GPT2: variants seen among roughly 807,000 people sequenced by gnomAD.
The protein encoded by GPT2 is alanine aminotransferase 2.
Under a neutral mutation model 56.9 loss-of-function variants are expected in GPT2, and 30 were observed. The ratio of observed to expected loss-of-function variants is 0.53; its 90% CI spans 0.39 to 0.72. The LOEUF is 0.72. Ranked by LOEUF, GPT2 falls within the 30% of genes least tolerant of loss-of-function variation. The pLI is 0.00. For synonymous variants in GPT2, 271 were observed against 283.1 expected, an observed-to-expected ratio of 0.96 and a Z score of 0.43; for missense variants, 542 against 703.4, an observed-to-expected ratio of 0.77 and a Z score of 2.60.
At chr16:46,926,341 C>T (rs1365061323) in intron 10 of GPT2, among the ~76,000 whole-genome samples, 2 of 151,606 alleles carry the variant, frequency 1.3e-5, no homozygotes, top group Non-Finnish European at 2.9e-5. Flanking sequence ...TCCAGTTACT[C>T]AGGAGGCTGA....
rs772302224 is a variant in GPT2, at chr16:46,884,399, C to G, written c.-91C>G. 2 of 211,516 alleles carry G rather than the reference C, an allele frequency of 9.5e-6. No individual in the cohort carries two copies. The highest frequency in any genetic ancestry group is 3.2e-4 in the South Asian group (2 of 6,164). The allele number at this position is 211,516 out of a possible 1,614,324, so 13.1% of individuals were successfully genotyped here. A position where few individuals can be genotyped will look rare whatever the true frequency, so the allele number is the denominator to read the frequency against. On this transcript the variant is annotated 5_prime_UTR_variant, in exon 1 of 12. Coordinates refer to ENST00000340124, the MANE Select transcript of GPT2 (RefSeq NM_133443.4). The stretch of plus-strand genomic sequence containing the variant: ...GGGCGCGGGGATGCGGCTGTGGGCG[C>G]CGGGGCCGGGTAGCTGCTCCAGGCG...
chr16:46,902,191 CTG>C (rs1468754245), intron 4 of GPT2, among the ~76,000 whole-genome samples: 2 of 152,202 alleles, frequency 1.3e-5, no homozygotes, highest in Non-Finnish European at 2.9e-5. Context: ...GGCTGAGAGA[CTG>C]TGTCCCTGTG....
intron 9 of GPT2, 121 bp from the exon 10 acceptor site, chr16:46,924,262 ACATGTG>A: frequency 1.0e-6 from 1 of 979,494 alleles, no homozygotes; most frequent in South Asian, 1.4e-5. Context: ...GTCAGAGGGG[ACATGTG>A]TTCAAAGCTG....
At chr16:46,905,287 G>A (rs762444048) in intron 4 of GPT2, among the ~76,000 whole-genome samples, 9 of 152,062 alleles carry the variant, frequency 5.9e-5, no homozygotes, top group Non-Finnish European at 1.3e-4. Flanking sequence ...GACCTCAGGT[G>A]ATCTGCCTGC....
intron 6 of GPT2, among the ~76,000 whole-genome samples, chr16:46,911,233 T>C (rs1462159921): frequency 6.6e-6 from 1 of 152,218 alleles, no homozygotes; most frequent in Non-Finnish European, 1.5e-5. Flanking sequence ...CAGTCCTGCC[T>C]GTTTTGATCT....
intron 10 of GPT2, among the ~76,000 whole-genome samples, chr16:46,926,385 G>A (rs1028896673): frequency 2.6e-5 from 4 of 152,060 alleles, no homozygotes. Context: ...GGAGGCGGAA[G>A]TAGTGGTGAG....
chr16:46,915,445 TACAG>T (rs1227377728), intron 6 of GPT2: 11 of 134,710 alleles, frequency 8.2e-5, no homozygotes, highest in Admixed American at 5.2e-4. Flanking sequence ...ACACACCAAA[TACAG>T]ACACACACAC....
intron 8 of GPT2, among the ~76,000 whole-genome samples, chr16:46,919,716 G>A (rs1961246917): frequency 6.6e-6 from 1 of 152,194 alleles, no homozygotes; most frequent in African/African-American, 2.4e-5. Context: ...GAGGGGGTGT[G>A]GCCTTGCTTA....
chr16:46,900,816 T>A, intron 4 of GPT2, 26 bp downstream of exon 4: 6 of 1,594,570 alleles, frequency 3.8e-6, no homozygotes, highest in Non-Finnish European at 5.2e-6. Context: ...GCCAGGCCCC[T>A]AGGCGTGAAA....
intron 10 of GPT2, 56 bp downstream of exon 10, chr16:46,924,600 G>T: frequency 1.9e-6 from 3 of 1,593,970 alleles, no homozygotes. Context: ...GAGATGCTGG[G>T]TTGGGGGCCC....
rs776515151 is a variant in GPT2 at position 46,909,870 on chromosome 16, G to A, written c.763G>A (p.Ala255Thr). The change falls in exon 6 of 12, where the codon GCC becomes ACC. Residue 255 changes from alanine to threonine, a missense_variant. By Grantham distance (58) the Ala-to-Thr change is moderately conservative. Coordinates refer to ENST00000340124, the MANE Select transcript of GPT2 (RefSeq NM_133443.4). ...TGAGCTCCGGCGGGCGGTGCAGGAG[G>A]CCAAAGACCACTGTGATCCTAAGGT... ...VNELRRAVQE[A>T]KDHCDPKVLC... 2 of 1,614,078 alleles carry A rather than the reference G, an allele frequency of 1.2e-6. No individual in the cohort carries two copies. Among genetic ancestry groups the A allele is most frequent in the South Asian group, 2.2e-5 (2 of 91,076 alleles).
At chr16:46,896,556 T>C (rs1020164466) in intron 2 of GPT2, among the ~76,000 whole-genome samples, 11 of 152,120 alleles carry the variant, frequency 7.2e-5, no homozygotes, top group African/African-American at 2.4e-4. Context: ...TGTCTTCCGA[T>C]GGGGAGGGTG....
In GPT2 at chr16:46,918,782, C is replaced by T. The variant is rs1478058857; in HGVS notation, c.1037+25C>T. The stretch of plus-strand genomic sequence containing the variant: ...AGTACGTGGGCCTCCCTTCCCTCTG[C>T]CACTGCTGGGCCTGCCAGATCCTCA... On this transcript the variant is annotated intron_variant, in intron 8 of 11. Coordinates refer to ENST00000340124, the MANE Select transcript of GPT2 (RefSeq NM_133443.4). 8 of 1,611,868 alleles carry T rather than the reference C, an allele frequency of 5.0e-6. No individual in the cohort carries two copies. In the Admixed American group the frequency reaches 1.3e-4, roughly 27 times the overall value.
rs1053643065 is a variant in GPT2, at chr16:46,895,382, G to C, written c.244-2266G>C. Among the ~76,000 whole-genome samples the C allele has an allele frequency of 2.0e-5, 3 of 152,084 alleles. No individual in the cohort carries two copies. The East Asian group carries it at 5.8e-4, about 29-fold the overall frequency. ...TCCATTAAAAATACAAAAATTAGCCGGGTGTGGTGATGCTTATCTGTAGTC... is the reference window on the plus strand; with the variant it reads ...TCCATTAAAAATACAAAAATTAGCCCGGTGTGGTGATGCTTATCTGTAGTC... On this transcript the variant is annotated intron_variant, in intron 2 of 11. Transcript: ENST00000340124.
At chr16:46,911,618 C>A (rs986862974) in intron 6 of GPT2, among the ~76,000 whole-genome samples, 1 of 152,114 alleles carries the variant, frequency 6.6e-6, no homozygotes, top group Non-Finnish European at 1.5e-5. Context: ...TCTGAGATAT[C>A]GGTAGCCTGT....
intron 2 of GPT2, among the ~76,000 whole-genome samples, chr16:46,892,174 ATCATACAGTGTT>A (rs1327013444): frequency 6.6e-6 from 1 of 152,182 alleles, no homozygotes; most frequent in Non-Finnish European, 1.5e-5. Flanking sequence ...TATGAGTGAG[ATCATACAGTGTT>A]TGTCTTTCTG....
chr16:46,888,514 A>G (rs1475871912), intron 2 of GPT2, among the ~76,000 whole-genome samples: 4 of 151,050 alleles, frequency 2.6e-5, no homozygotes, highest in African/African-American at 9.8e-5. Flanking sequence ...ACCCAGCTAA[A>G]TTTTTTGTAT....
intron 2 of GPT2, among the ~76,000 whole-genome samples, chr16:46,889,083 G>A (rs924104865): frequency 6.6e-5 from 10 of 152,202 alleles, no homozygotes; most frequent in African/African-American, 2.2e-4. Context: ...CAGGAGTGCA[G>A]TGGCGCAATC....
chr16:46,902,766 C>T (rs1960843225), intron 4 of GPT2, among the ~76,000 whole-genome samples: 1 of 152,126 alleles, frequency 6.6e-6, no homozygotes, highest in African/African-American at 2.4e-5. Context: ...GCTGGTACTA[C>T]AGGCACGCGC....
Sources: allele counts gnomAD v4.1 joint callset (sites outside exome capture counted in the v4.1 genomes callset), GRCh38; gene constraint gnomAD v4.1.1; transcripts MANE v1.5; gene names NCBI Gene and HGNC (gene_info 2026-07-23, HGNC 2026-07-21).